Variants in OTOA observed in about 807,000 individuals in gnomAD.
OTOA encodes cancer/testis antigen 108.
In OTOA, 70 loss-of-function variants were observed where a neutral mutation model predicts 110.8. The ratio of observed to expected loss-of-function variants is 0.63; its 90% confidence interval spans 0.52 to 0.77. OTOA has a LOEUF of 0.77. OTOA is among the 30% of genes least tolerant of loss of function. OTOA has a pLI of 0.00. For missense variants in OTOA, 917 were observed against 1,075.8 expected, an observed-to-expected ratio of 0.85 and a Z score of 2.06; for synonymous variants, 373 against 431.5, an observed-to-expected ratio of 0.86 and a Z score of 1.68.
chr16:21,729,010 A>T (rs969762781), intron 20 of OTOA, among the ~76,000 whole-genome samples: 1 of 151,822 alleles, frequency 6.6e-6, no homozygotes, highest in Non-Finnish European at 1.5e-5. Flanking sequence ...TTACAGATGC[A>T]AGGTAGTGGT....
chr16:21,711,716 C>T (rs928814702), intron 13 of OTOA, among the ~76,000 whole-genome samples: 2 of 152,140 alleles, frequency 1.3e-5, no homozygotes, highest in Non-Finnish European at 2.9e-5. Flanking sequence ...ATCCGCCTGC[C>T]TCAGCCTCCC....
At chr16:21,680,450 G>T (rs186049233) in intron 5 of OTOA, among the ~76,000 whole-genome samples, 2 of 152,130 alleles carry the variant, frequency 1.3e-5, no homozygotes, top group Non-Finnish European at 2.9e-5. Flanking sequence ...GGAGGCTGAG[G>T]TTGTGATAAG....
chr16:21,684,996 C>T (rs1218671754), intron 6 of OTOA, among the ~76,000 whole-genome samples: 1 of 151,940 alleles, frequency 6.6e-6, no homozygotes, highest in Non-Finnish European at 1.5e-5. Flanking sequence ...GTGATCCACC[C>T]GCCTCGGCCT....
intron 9 of OTOA, among the ~76,000 whole-genome samples, chr16:21,697,036 G>A (rs935711109): frequency 1.0e-5 from 1 of 99,354 alleles, no homozygotes; most frequent in African/African-American, 4.1e-5. Flanking sequence ...ACTACAGCTG[G>A]CTTTTTTTTT....
chr16:21,717,336 G>A (rs940359604), intron 15 of OTOA, among the ~76,000 whole-genome samples: 1 of 152,048 alleles, frequency 6.6e-6, no homozygotes, highest in African/African-American at 2.4e-5. Flanking sequence ...AGCTACTCAG[G>A]AGGCTGAGAC....
rs571441542 is a variant in OTOA, at chr16:21,713,685, A to G, written c.1321-1300A>G. ...TTGAACCCAGGGCACCTGGCCTCAG[A>G]GCCATCTTGTTTAACTCCTGTGCTC... On this transcript the variant is annotated intron_variant, in intron 13 of 28. Transcript: ENST00000646100. 4.6e-5 allele frequency among the ~76,000 whole-genome samples: 7 copies of G among 152,284 alleles called. 1 individual carries two copies. In the South Asian group the frequency reaches 1.5e-3, roughly 32 times the overall value.
In OTOA at chr16:21,756,453, C is replaced by A. The variant is rs1283089814; in HGVS notation, c.3154-629C>A. ...CATTTATCCCCAAAGCCCACGGAGG[C>A]TGTGTAATTTGTTCAAGGTGACACA... On this transcript the variant is annotated intron_variant, in intron 27 of 28. Coordinates refer to ENST00000646100, the MANE Select transcript of OTOA (RefSeq NM_144672.4). Among the ~76,000 whole-genome samples, 12 of 152,088 alleles carry A rather than the reference C, an allele frequency of 7.9e-5. 1 individual carries two copies. The highest frequency in any genetic ancestry group is 2.7e-4 in the African/African-American group (11 of 41,406).
chr16:21,730,608 A>T (rs1205906127), intron 20 of OTOA: 1 of 480,454 alleles, frequency 2.1e-6, no homozygotes, highest in South Asian at 2.1e-5. Context: ...ACTGCCAGAG[A>T]TACCAGAGAA....
chr16:21,710,024 T>A lies in OTOA; in HGVS notation c.1241T>A (p.Ile414Asn), dbSNP rs1280471181. Residue 414 changes from isoleucine to asparagine, a missense_variant, in exon 13 of 29, where the codon ATC (isoleucine) becomes AAC (asparagine). Ile to Asn is a moderately radical substitution (Grantham distance 149). This residue lies in a region of OTOA where 840 missense variants were observed against 910.2 expected (regional missense o/e 0.92). Transcript: ENST00000646100. Reference sequence around the variant, plus strand: ...TCCCCCGAGGCTGTGCACGGAGCCATCTCCACCCTCAACCAGGTCTCAGGT... The same window carrying A: ...TCCCCCGAGGCTGTGCACGGAGCCAACTCCACCCTCAACCAGGTCTCAGGT... Reference protein sequence around the residue: ...SLSPEAVHGAISTLNQVSGWA... With the variant: ...SLSPEAVHGANSTLNQVSGWA... The A allele has an allele frequency of 6.2e-7, 1 of 1,613,866 alleles. No individual in the cohort carries two copies. Among genetic ancestry groups the A allele is most frequent in the Non-Finnish European group, 8.5e-7 (1 of 1,179,994 alleles).
intron 10 of OTOA, among the ~76,000 whole-genome samples, chr16:21,699,342 A>G (rs1777238911): frequency 1.3e-5 from 2 of 152,328 alleles, no homozygotes; most frequent in Non-Finnish European, 2.9e-5. Flanking sequence ...TACTGTCTCA[A>G]AATATAGAAT....
chr16:21,701,936 C>A (rs1898061443), intron 11 of OTOA, among the ~76,000 whole-genome samples: 1 of 145,368 alleles, frequency 6.9e-6, no homozygotes, highest in Admixed American at 7.1e-5. Flanking sequence ...CACGCCTGGC[C>A]CATTCAATCC....
intron 6 of OTOA, 109 bp from the exon 7 acceptor site, chr16:21,685,121 G>T (rs1376329670): frequency 1.1e-5 from 16 of 1,455,320 alleles, no homozygotes; most frequent in Non-Finnish European, 1.4e-5. Context: ...GCCACTAGTT[G>T]TGGTCTCTGC....
intron 28 of OTOA, among the ~76,000 whole-genome samples, chr16:21,759,998 A>G (rs1020467515): frequency 2.0e-5 from 3 of 152,008 alleles, no homozygotes; most frequent in Admixed American, 2.0e-4. Context: ...AGGGCCCCTT[A>G]AAAAGATGTT....
At chr16:21,728,493 C>G in intron 20 of OTOA, 62 bp downstream of exon 20, 1 of 1,552,964 alleles carries the variant, frequency 6.4e-7, no homozygotes, top group Non-Finnish European at 8.8e-7. Context: ...GACACTCAAC[C>G]TTGGCTCTCC....
intron 28 of OTOA, among the ~76,000 whole-genome samples, chr16:21,759,265 T>C (rs1265674734): frequency 6.6e-6 from 1 of 152,010 alleles, no homozygotes; most frequent in East Asian, 1.9e-4. Context: ...ATTCTATGCA[T>C]ACACAGCAAA....
chr16:21,734,520 A>G (rs1278074883), intron 21 of OTOA, among the ~76,000 whole-genome samples: 2 of 151,764 alleles, frequency 1.3e-5, no homozygotes, highest in Non-Finnish European at 2.9e-5. Flanking sequence ...CTGAACTTAA[A>G]ATAAAAGTTA....
At chr16:21,723,057 C>A in intron 18 of OTOA, 79 bp downstream of exon 18, 1 of 1,475,162 alleles carries the variant, frequency 6.8e-7, no homozygotes, top group Non-Finnish European at 9.5e-7. Flanking sequence ...GATTCTCTCC[C>A]CACTGGGTTT....
chr16:21,714,373 CTCTT>C (rs1444856539), intron 13 of OTOA, among the ~76,000 whole-genome samples: 5 of 103,330 alleles, frequency 4.8e-5, no homozygotes, highest in African/African-American at 9.6e-5. Context: ...TTCTTTCTCT[CTCTT>C]TCTCTCTTTC....
intron 27 of OTOA, among the ~76,000 whole-genome samples, chr16:21,755,504 G>T (rs1899952305): frequency 9.2e-6 from 1 of 108,628 alleles, no homozygotes; most frequent in Admixed American, 9.4e-5. Context: ...TGAGAGGAGA[G>T]GAGGTGATGC....
Sources: gnomAD v4.1 joint callset for allele counts (sites outside exome capture counted in the v4.1 genomes callset) on GRCh38, gnomAD v4.1.1 for gene constraint, gnomAD v4.1.1 regional missense constraint, MANE v1.5 for transcripts, NCBI Gene and HGNC (gene_info 2026-07-23, HGNC 2026-07-21) for gene names.